MAGI3: variants seen among roughly 807,000 people sequenced by gnomAD.
The protein encoded by MAGI3 is membrane-associated guanylate kinase, WW and PDZ domain-containing protein 3.
In MAGI3, 43 loss-of-function variants were observed where a neutral mutation model predicts 121.8. The ratio of observed to expected loss-of-function variants is 0.35; its 90% CI spans 0.28 to 0.46. MAGI3 has a LOEUF of 0.46. MAGI3 is among the 20% of genes least tolerant of loss of function. The pLI is 1.00. For synonymous variants in MAGI3, 553 were observed against 639.3 expected (o/e 0.86, Z 2.04); for missense variants, 1,547 against 1,797.3 (o/e 0.86, Z 2.52).
chr1:113,632,535 A>G (rs1651700750), intron 9 of MAGI3, among the ~76,000 whole-genome samples: 1 of 152,222 alleles, frequency 6.6e-6, no homozygotes, highest in African/African-American at 2.4e-5. Context: ...CCAAATTTTA[A>G]GTCAAGACTG....
chr1:113,537,547 C>CG (rs1659065628), intron 1 of MAGI3, among the ~76,000 whole-genome samples: 1 of 152,124 alleles, frequency 6.6e-6, no homozygotes, highest in Non-Finnish European at 1.5e-5. Flanking sequence ...TGATAGCTCA[C>CG]GTAAACTGGG....
rs185615057 is a variant in MAGI3 at position 113,429,246 on chromosome 1, G to A, written c.316+37897G>A. 4.4e-3 allele frequency among the ~76,000 whole-genome samples: 664 copies of A among 152,276 alleles called. 2 individuals carry two copies. The highest frequency in any genetic ancestry group is 0.011 in the Admixed American group (175 of 15,296). ...ACTGTTTACATTGTTAGCTGCATAC[G>A]TGACAACAAGAAATCCAAAGTGATA... On this transcript the variant is annotated intron_variant, in intron 1 of 20. Coordinates refer to ENST00000307546, the MANE Select transcript of MAGI3 (RefSeq NM_001142782.2).
chr1:113,482,357 C>T (rs918559078), intron 1 of MAGI3, among the ~76,000 whole-genome samples: 17 of 151,738 alleles, frequency 1.1e-4, no homozygotes, highest in Admixed American at 3.9e-4. Context: ...TCAGTTTGTT[C>T]AGCCTATTTT....
rs1313601919 is a variant in MAGI3, at chr1:113,515,373, TG to T, written c.317-34141del. Among the ~76,000 whole-genome samples the T allele has an allele frequency of 2.0e-5, 3 of 152,028 alleles. No homozygotes were observed. In the East Asian group the frequency reaches 5.8e-4, roughly 29 times the overall value. On this transcript the variant is annotated intron_variant, in intron 1 of 20. Transcript: ENST00000307546. ...GACTGAGAGAATGAAGACTAGGAAA[TG>T]AATTTTTACTATCTCTTCTCAAATG...
chr1:113,611,430 T>C (rs985297924), intron 6 of MAGI3, among the ~76,000 whole-genome samples: 1 of 152,134 alleles, frequency 6.6e-6, no homozygotes, highest in African/African-American at 2.4e-5. Context: ...TGTATCACTT[T>C]TATGCCACAA....
intron 16 of MAGI3, 77 bp downstream of exon 16, chr1:113,659,342 A>G (rs1269756422): frequency 3.2e-5 from 45 of 1,389,658 alleles, no homozygotes; most frequent in Non-Finnish European, 4.2e-5. Context: ...GGCCTCCTCC[A>G]GCACTGCCAG....
At chr1:113,629,759 T>TCTCCCTCTCC (rs1651492554) in intron 9 of MAGI3, among the ~76,000 whole-genome samples, 1 of 80,506 alleles carries the variant, frequency 1.2e-5, no homozygotes, top group African/African-American at 3.8e-5. Context: ...TCTCTCTCTC[T>TCTCCCTCTCC]CTCCCTCCCT....
At chr1:113,564,609 C>A (rs1660364381) in intron 2 of MAGI3, among the ~76,000 whole-genome samples, 1 of 152,160 alleles carries the variant, frequency 6.6e-6, no homozygotes, top group African/African-American at 2.4e-5. Flanking sequence ...TTGGCTCACA[C>A]CTGTAGTCCC....
intron 1 of MAGI3, among the ~76,000 whole-genome samples, chr1:113,508,822 T>C (rs900906307): frequency 2.0e-5 from 3 of 152,168 alleles, no homozygotes; most frequent in African/African-American, 7.2e-5. Flanking sequence ...GAGAAATTGA[T>C]TGATTTTTTT....
At chr1:113,424,295 A>G (rs186098594) in intron 1 of MAGI3, among the ~76,000 whole-genome samples, 36 of 151,156 alleles carry the variant, frequency 2.4e-4, no homozygotes, top group African/African-American at 8.5e-4. Flanking sequence ...GTTCTATACA[A>G]TGTTGCCATT....
At chr1:113,426,980 A>C (rs1428465640) in intron 1 of MAGI3, among the ~76,000 whole-genome samples, 1 of 151,974 alleles carries the variant, frequency 6.6e-6, no homozygotes, top group Non-Finnish European at 1.5e-5. Flanking sequence ...GATCATATAT[A>C]TGTCTCTCTC....
In MAGI3 at chr1:113,642,150, G is replaced by A. The variant is rs1267914054; in HGVS notation, c.1600G>A (p.Gly534Arg). ...TCMNPQDFKP[G>R]AMVLEQNGKS... The stretch of plus-strand genomic sequence containing the variant: ...CATGAATCCTCAGGATTTTAAGCCA[G>A]GAGCAATGGTTCTGGAGCAGAATGG... Residue 534 changes from glycine (G) to arginine (R), a missense_variant, in exon 10 of 21, where the codon GGA (glycine) becomes AGA (arginine). Gly to Arg is a moderately radical substitution (Grantham distance 125). Transcript: ENST00000307546. 8 of 1,614,064 alleles carry A rather than the reference G, an allele frequency of 5.0e-6. No homozygotes were observed. The African/African-American group carries it at 1.1e-4, about 22-fold the overall frequency.
Position 113,556,073 on chromosome 1 carries a change from A to G in MAGI3, c.433+6442A>G, listed in dbSNP as rs1330259008. On this transcript the variant is annotated intron_variant, in intron 2 of 20. Coordinates refer to ENST00000307546, the MANE Select transcript of MAGI3 (RefSeq NM_001142782.2). ...AAAATTTGTAGGTTGTAGCTAGAGT[A>G]GTATTTAAATGGAAACTTACAGTAT... 2.6e-5 allele frequency among the ~76,000 whole-genome samples: 4 copies of G among 152,218 alleles called. No individual in the cohort carries two copies. In the East Asian group the frequency reaches 7.7e-4, roughly 29 times the overall value.
intron 1 of MAGI3, among the ~76,000 whole-genome samples, chr1:113,484,596 T>C (rs1302963827): frequency 6.6e-6 from 1 of 150,440 alleles, no homozygotes; most frequent in Non-Finnish European, 1.5e-5. Flanking sequence ...TTTTTATGGC[T>C]GAGCAGTGTT....
chr1:113,449,359 TG>T (rs1440374755), intron 1 of MAGI3, among the ~76,000 whole-genome samples: 1 of 33,742 alleles, frequency 3.0e-5, no homozygotes, highest in African/African-American at 1.0e-4. Flanking sequence ...ATTACTTTTA[TG>T]GTGTGTGTGT....
intron 15 of MAGI3, among the ~76,000 whole-genome samples, chr1:113,654,521 A>G (rs1178982882): frequency 2.0e-5 from 3 of 152,214 alleles, no homozygotes; most frequent in Non-Finnish European, 4.4e-5. Flanking sequence ...GAATGATAAG[A>G]GGCATACCTT....
At chr1:113,632,883 T>A (rs926816827) in intron 9 of MAGI3, among the ~76,000 whole-genome samples, 1 of 146,306 alleles carries the variant, frequency 6.8e-6, no homozygotes, top group Non-Finnish European at 1.5e-5. Flanking sequence ...TGGCTTTTGT[T>A]TTGTTTAGTT....
At chr1:113,515,861 C>T (rs1657872047) in intron 1 of MAGI3, among the ~76,000 whole-genome samples, 1 of 151,932 alleles carries the variant, frequency 6.6e-6, no homozygotes, top group Non-Finnish European at 1.5e-5. Context: ...GAAATCATTC[C>T]ACAGAGGTAG....
At chr1:113,559,210 C>T (rs955844957) in intron 2 of MAGI3, among the ~76,000 whole-genome samples, 1 of 152,174 alleles carries the variant, frequency 6.6e-6, no homozygotes, top group Non-Finnish European at 1.5e-5. Flanking sequence ...ACCATGCTAT[C>T]CTTAAATATA....
Sources: allele counts gnomAD v4.1 joint callset (sites outside exome capture counted in the v4.1 genomes callset), GRCh38; gene constraint gnomAD v4.1.1; transcripts MANE v1.5; gene names NCBI Gene and HGNC (gene_info 2026-07-23, HGNC 2026-07-21).